The following GALNT13 variants were observed in gnomAD, a reference collection of about 807,000 sequenced individuals.
The protein encoded by GALNT13 is polypeptide N-acetylgalactosaminyltransferase 13, also known as UDP-GalNAc:polypeptide N-acetylgalactosaminyltransferase 13.
GALNT13 carries 28 observed loss-of-function variants against 64.2 expected under a neutral mutation model. The ratio of observed to expected loss-of-function variants is 0.44; its 90% CI spans 0.32 to 0.60. The LOEUF is 0.60. Ranked by LOEUF, GALNT13 falls within the 20% of genes least tolerant of loss-of-function variation. The pLI is 0.05. For missense variants in GALNT13, 577 were observed against 669.8 expected (o/e 0.86, Z 1.53); for synonymous variants, 214 against 224.6 (o/e 0.95, Z 0.42).
chr2:153,828,166 C>T, the GALNT13 span, among the ~76,000 whole-genome samples: 52 of 152,196 alleles, frequency 3.4e-4, no homozygotes, highest in African/African-American at 9.9e-4. Context: ...TTTCCAGGCA[C>T]GCAGTGCAAG....
At chr2:154,014,577 G>GT (rs35992474) in intron 3 of GALNT13, among the ~76,000 whole-genome samples, 88,391 of 135,778 alleles carry the variant, frequency 0.65, 29,111 homozygotes, top group East Asian at 0.94. Flanking sequence ...TCTTTCCTCT[G>GT]TTTTTTTTTG....
At chr2:153,573,149 T>C in the GALNT13 span, among the ~76,000 whole-genome samples, 1 of 152,008 alleles carries the variant, frequency 6.6e-6, no homozygotes, top group Admixed American at 6.6e-5. Flanking sequence ...ATATTTAAGA[T>C]TGTTATATCC....
chr2:153,651,892 T>C, the GALNT13 span, among the ~76,000 whole-genome samples: 1 of 152,188 alleles, frequency 6.6e-6, no homozygotes, highest in Non-Finnish European at 1.5e-5. Flanking sequence ...TTTTTACATA[T>C]AATTCTGGTT....
At chr2:153,834,497 T>C in the GALNT13 span, among the ~76,000 whole-genome samples, 1 of 152,236 alleles carries the variant, frequency 6.6e-6, no homozygotes, top group Non-Finnish European at 1.5e-5. Context: ...CACCAAGTAA[T>C]TGTTAGCATA....
At chr2:154,414,308 T>C (rs1244517736) in intron 11 of GALNT13, among the ~76,000 whole-genome samples, 1 of 152,054 alleles carries the variant, frequency 6.6e-6, no homozygotes, top group African/African-American at 2.4e-5. Context: ...TACAATGATC[T>C]TTGAAGTAGA....
the GALNT13 span, among the ~76,000 whole-genome samples, chr2:153,178,555 T>C: frequency 2.6e-4 from 40 of 152,264 alleles, no homozygotes; most frequent in African/African-American, 9.1e-4. Context: ...AAATCAGATA[T>C]TGTTTTCTTT....
intron 4 of GALNT13, among the ~76,000 whole-genome samples, chr2:154,224,833 G>A (rs970604540): frequency 2.6e-5 from 4 of 152,034 alleles, no homozygotes; most frequent in African/African-American, 4.8e-5. Context: ...GGAAGGAAAT[G>A]CTCTCTGTCT....
At chr2:153,255,829 G>A in the GALNT13 span, among the ~76,000 whole-genome samples, 2 of 152,340 alleles carry the variant, frequency 1.3e-5, no homozygotes, top group Admixed American at 1.3e-4. Flanking sequence ...TTTCTGCTGA[G>A]AGATCAGCTG....
chr2:154,266,941 T>C (rs150933160), intron 8 of GALNT13, among the ~76,000 whole-genome samples: 24 of 152,042 alleles, frequency 1.6e-4, no homozygotes, highest in African/African-American at 5.5e-4. Flanking sequence ...ATTAACAAAG[T>C]AGGATTTAAA....
intron 3 of GALNT13, among the ~76,000 whole-genome samples, chr2:154,025,038 G>C (rs1469180456): frequency 6.6e-6 from 1 of 152,188 alleles, no homozygotes; most frequent in Non-Finnish European, 1.5e-5. Flanking sequence ...GCTGCTGCCT[G>C]ATCGTTCCTC....
intron 9 of GALNT13, among the ~76,000 whole-genome samples, chr2:154,334,685 G>A (rs1242271786): frequency 6.6e-6 from 1 of 151,964 alleles, no homozygotes; most frequent in African/African-American, 2.4e-5. Flanking sequence ...TGGACTTTGT[G>A]TATATCTCTC....
the GALNT13 span, among the ~76,000 whole-genome samples, chr2:153,123,306 C>T: frequency 6.6e-6 from 1 of 152,146 alleles, no homozygotes; most frequent in African/African-American, 2.4e-5. Context: ...AAACTCCTAG[C>T]CTCCAAAAGA....
chr2:154,254,698 A>C (rs917279438), intron 7 of GALNT13, among the ~76,000 whole-genome samples: 3 of 152,232 alleles, frequency 2.0e-5, no homozygotes, highest in Non-Finnish European at 4.4e-5. Context: ...ACAGATAAGT[A>C]GCAAATTTTC....
intron 2 of GALNT13, among the ~76,000 whole-genome samples, chr2:153,907,775 A>G (rs1361945714): frequency 6.6e-6 from 1 of 152,028 alleles, no homozygotes; most frequent in East Asian, 1.9e-4. Flanking sequence ...TCCATAGTGT[A>G]TATGTGCCAC....
At chr2:153,636,806 G>T in the GALNT13 span, among the ~76,000 whole-genome samples, 4 of 152,090 alleles carry the variant, frequency 2.6e-5, no homozygotes, top group African/African-American at 9.7e-5. Context: ...AAGACTTAAA[G>T]AAATTATTAC....
chr2:154,041,480 T>C (rs1186330178), intron 3 of GALNT13, among the ~76,000 whole-genome samples: 1 of 140,194 alleles, frequency 7.1e-6, no homozygotes, highest in Admixed American at 7.2e-5. Context: ...TGGACAGATA[T>C]TAAGACAGAA....
chr2:153,474,547 ACATTTTCAGAGAGAGTGGGGAGATT>A, the GALNT13 span, among the ~76,000 whole-genome samples: 1 of 152,318 alleles, frequency 6.6e-6, no homozygotes, highest in Non-Finnish European at 1.5e-5. Context: ...AGCTCTTGCT[ACATTTTCAGAGAGAGTGGGGAGATT>A]CGTATCAACA....
chr2:153,285,671 G>C, the GALNT13 span, among the ~76,000 whole-genome samples: 1 of 152,102 alleles, frequency 6.6e-6, no homozygotes, highest in African/African-American at 2.4e-5. Context: ...TGCAAATTGA[G>C]AGTCCATATC....
intron 3 of GALNT13, among the ~76,000 whole-genome samples, chr2:153,948,757 G>T (rs905530884): frequency 6.6e-6 from 1 of 152,128 alleles, no homozygotes; most frequent in Non-Finnish European, 1.5e-5. Flanking sequence ...TGCAGGAACA[G>T]AAAACCAAAT....
Sources: allele counts gnomAD v4.1 joint callset (sites outside exome capture counted in the v4.1 genomes callset), GRCh38; gene constraint gnomAD v4.1.1; transcripts MANE v1.5; gene names NCBI Gene and HGNC (gene_info 2026-07-23, HGNC 2026-07-21).